NOP14: variants seen among roughly 807,000 people sequenced by gnomAD.
NOP14 encodes the protein NOP14 nucleolar protein.
NOP14 carries 57 observed loss-of-function variants against 101.6 expected under a neutral mutation model. The observed-to-expected ratio is 0.56, with a 90% CI of 0.45 to 0.70. The LOEUF (loss-of-function observed/expected upper bound fraction) is 0.70. Among genes scored for constraint, NOP14 ranks in the 30% least tolerant of loss-of-function variants. The probability of loss-of-function intolerance (pLI) is 0.00; values close to 1 mark genes in which losing one functional copy is unlikely to be tolerated. For synonymous variants in NOP14, 428 were observed against 424.0 expected (o/e 1.01, Z -0.12); for missense variants, 1,134 against 1,075.5 (o/e 1.05, Z -0.76).
rs1230513112 is a variant in NOP14, at chr4:2,945,113, G to A, written c.1737+15C>T. The stretch of plus-strand genomic sequence containing the variant: ...TGCAGCAGGCCGACCCCTGCCGCAT[G>A]TGGAGAGAACGCACCTTGGTGAGCA... On this transcript the variant is annotated intron_variant, in intron 12 of 17. Transcript: ENST00000416614. 3 of 1,560,782 alleles carry A rather than the reference G, an allele frequency of 1.9e-6. No homozygotes were observed. Among genetic ancestry groups the A allele is most frequent in the Non-Finnish European group, 2.6e-6 (3 of 1,149,086 alleles).
At chr4:2,952,480 A>G in intron 5 of NOP14, 83 bp from the exon 6 acceptor site, 1 of 1,264,076 alleles carries the variant, frequency 7.9e-7, no homozygotes, top group Non-Finnish European at 1.1e-6. Context: ...GCTTCCTGGC[A>G]CATTCTAGTA....
In NOP14 at chr4:2,949,928, G is replaced by A; in HGVS notation, c.1282+6C>T. ...AGAACCTGAGGAAACCCGCGCACTT[G>A]CCCACCTGCGAACGTGTAGGGCAGC... On this transcript the variant is annotated splice_donor_region_variant and intron_variant, in intron 8 of 17. Coordinates refer to ENST00000416614, the MANE Select transcript of NOP14 (RefSeq NM_001291978.2). The A allele has an allele frequency of 6.2e-7, 1 of 1,613,914 alleles. No homozygotes were observed. The highest frequency in any genetic ancestry group is 1.1e-5 in the South Asian group (1 of 91,084).
chr4:2,939,466 C>G (rs1577813069), intron 16 of NOP14, 61 bp downstream of exon 16: 17 of 1,593,600 alleles, frequency 1.1e-5, no homozygotes, highest in Non-Finnish European at 1.5e-5. Context: ...GCAGACGCCC[C>G]CCGTCAGCTC....
intron 1 of NOP14, among the ~76,000 whole-genome samples, chr4:2,958,909 A>C (rs1715522594): frequency 2.0e-5 from 3 of 152,222 alleles, no homozygotes; most frequent in Admixed American, 6.5e-5. Context: ...AGGGGTTAAG[A>C]AGCAGCTGGG....
In NOP14 at chr4:2,946,238, C is replaced by T. The variant is rs538898756; in HGVS notation, c.1635+174G>A. Among the ~76,000 whole-genome samples, 3 of 149,402 alleles carry T rather than the reference C, an allele frequency of 2.0e-5. No individual in the cohort carries two copies. The South Asian group carries it at 6.4e-4, about 32-fold the overall frequency. On this transcript the variant is annotated intron_variant, in intron 11 of 17. Transcript: ENST00000416614. The stretch of plus-strand genomic sequence containing the variant: ...ACTGCCGTGCACTCTCACTCCAGAT[C>T]ACCCTCACTGCCGTGCACTCTCACT...
At chr4:2,962,881 C>A (rs1486630006) in intron 1 of NOP14, among the ~76,000 whole-genome samples, 1 of 152,188 alleles carries the variant, frequency 6.6e-6, no homozygotes, top group Non-Finnish European at 1.5e-5. Context: ...ACTGACTCGG[C>A]CTGACCCGGT....
At chr4:2,939,474 C>T (rs1713965584) in intron 16 of NOP14, 53 bp downstream of exon 16, 4 of 1,597,766 alleles carry the variant, frequency 2.5e-6, no homozygotes, top group Non-Finnish European at 1.7e-6. Context: ...CCCCCGTCAG[C>T]TCCCACTGAG....
chr4:2,957,502 C>T (rs542735500), intron 2 of NOP14, 104 bp downstream of exon 2: 17 of 1,399,742 alleles, frequency 1.2e-5, no homozygotes, highest in East Asian at 4.6e-5. Flanking sequence ...CTGGACCTTC[C>T]GAGTGCCCAG....
intron 2 of NOP14, 48 bp downstream of exon 2, chr4:2,957,558 T>G (rs1461118066): frequency 6.8e-6 from 11 of 1,605,898 alleles, no homozygotes; most frequent in Non-Finnish European, 9.4e-6. Context: ...GGCCTTGACT[T>G]CCCTGTGAAA....
intron 1 of NOP14, among the ~76,000 whole-genome samples, chr4:2,962,312 C>T (rs1375875775): frequency 2.0e-5 from 3 of 152,190 alleles, no homozygotes; most frequent in Non-Finnish European, 2.9e-5. Context: ...TGAGGGACTC[C>T]TATCGAAGTC....
chr4:2,946,948 G>T (rs1714688592), intron 10 of NOP14: 1 of 229,978 alleles, frequency 4.3e-6, no homozygotes. Flanking sequence ...CAGGAAGCTG[G>T]TGTGCACTCT....
rs1174423355 is a variant in NOP14, at chr4:2,960,743, TTAA to T, written c.195+2379_195+2381del. Among the ~76,000 whole-genome samples, 19 of 132,836 alleles carry T rather than the reference TTAA, an allele frequency of 1.4e-4. 2 individuals carry two copies. The highest frequency in any genetic ancestry group is 4.4e-4 in the South Asian group (2 of 4,542). 87.1% of individuals were successfully genotyped at this position (132,836 alleles called of 152,430 possible). ...TTATAATCACATTAATATTAATATATTAATATTATAATCACATTAATATTAATA... is the reference window on the plus strand; with the variant it reads ...TTATAATCACATTAATATTAATATATTATTATAATCACATTAATATTAATA... On this transcript the variant is annotated intron_variant, in intron 1 of 17. Transcript: ENST00000416614.
At chr4:2,946,229 A>T (rs1487951487) in intron 11 of NOP14, among the ~76,000 whole-genome samples, 183 bp downstream of exon 11, 3 of 123,006 alleles carry the variant, frequency 2.4e-5, no homozygotes, top group Non-Finnish European at 5.1e-5. Flanking sequence ...GTGCACTCTC[A>T]CTCCAGATCA....
chr4:2,963,090 C>A, intron 1 of NOP14, 35 bp downstream of exon 1: 1 of 1,504,980 alleles, frequency 6.6e-7, no homozygotes, highest in South Asian at 1.3e-5. Flanking sequence ...GGGTCCAGAT[C>A]CTGCCTTCCG....
At chr4:2,950,364 A>T (rs1246899324) in intron 7 of NOP14, 151 bp from the exon 8 acceptor site, 9 of 773,146 alleles carry the variant, frequency 1.2e-5, no homozygotes, top group Non-Finnish European at 1.9e-5. Flanking sequence ...CACTGGCACT[A>T]GGCCTCCTGC....
rs200567683 is a variant in NOP14, at chr4:2,942,369, C to T, written c.1892-18G>A. 1.2e-6 allele frequency: 2 copies of T among 1,611,198 alleles called. No individual in the cohort carries two copies. Among genetic ancestry groups the T allele is most frequent in the Non-Finnish European group, 1.7e-6 (2 of 1,177,822 alleles). ...AGTGGAACCTGAATTCCAAGTGCGACAGGACAGAGATGGCCTGAACATTAC... is the reference window on the plus strand; with the variant it reads ...AGTGGAACCTGAATTCCAAGTGCGATAGGACAGAGATGGCCTGAACATTAC... On this transcript the variant is annotated intron_variant, in intron 13 of 17. Transcript: ENST00000416614.
chr4:2,960,173 T>G (rs996324958), intron 1 of NOP14, among the ~76,000 whole-genome samples: 1 of 152,052 alleles, frequency 6.6e-6, no homozygotes, highest in African/African-American at 2.4e-5. Context: ...GGTTTCACCG[T>G]GTTGCCCAGG....
rs1435408573 is a variant in NOP14 at position 2,939,300 on chromosome 4, C to T, written c.2362G>A (p.Glu788Lys). The T allele has an allele frequency of 6.2e-7, 1 of 1,614,076 alleles. No individual in the cohort carries two copies. The highest frequency in any genetic ancestry group is 1.1e-5 in the South Asian group (1 of 91,088). ...RKQGSSKEEQ[E>K]RKRLIHKHKR... ...TGTTTGTGGATCAGCCTCTTCCTTT[C>T]CTGTTCCTCCTTACTACTGCCTTGT... Residue 788 changes from glutamate to lysine, a missense_variant, in exon 17 of 18, where the codon GAA becomes AAA. Glu to Lys is a moderately conservative substitution (Grantham distance 56). Coordinates refer to ENST00000416614, the MANE Select transcript of NOP14 (RefSeq NM_001291978.2).
Position 2,953,325 on chromosome 4 carries a change from C to T in NOP14, c.747+186G>A, listed in dbSNP as rs140594494. ...CAGTTTAATTCACCTGCAATAGAGA[C>T]TCAAGTAACTGAATCTACTTCCACC... On this transcript the variant is annotated intron_variant, in intron 5 of 17. Coordinates refer to ENST00000416614, the MANE Select transcript of NOP14 (RefSeq NM_001291978.2). Among the ~76,000 whole-genome samples the T allele has an allele frequency of 1.4e-4, 22 of 152,314 alleles. No individual in the cohort carries two copies. In the East Asian group the frequency reaches 4.2e-3, roughly 29 times the overall value.
Sources: gnomAD v4.1 joint callset for allele counts (sites outside exome capture counted in the v4.1 genomes callset) on GRCh38, gnomAD v4.1.1 for gene constraint, MANE v1.5 for transcripts, NCBI Gene and HGNC (gene_info 2026-07-23, HGNC 2026-07-21) for gene names.